Variants in FLT4 observed in about 807,000 individuals in gnomAD.
FLT4 encodes the protein fms related receptor tyrosine kinase 4, also known as vascular endothelial growth factor receptor 3.
FLT4 carries 30 observed loss-of-function variants against 163.2 expected under a neutral mutation model. The observed-to-expected ratio is 0.18, with a 90% CI of 0.14 to 0.25. The LOEUF is 0.25. Among genes scored for constraint, FLT4 ranks in the 10% least tolerant of loss-of-function variants. The pLI is 1.00. For missense variants in FLT4, 1,510 were observed against 1,863.8 expected, an observed-to-expected ratio of 0.81 and a Z score of 3.50; for synonymous variants, 884 against 789.5, an observed-to-expected ratio of 1.12 and a Z score of -2.01.
intron 1 of FLT4, among the ~76,000 whole-genome samples, chr5:180,641,964 T>A (rs1765149584): frequency 1.3e-5 from 2 of 152,030 alleles, no homozygotes. Flanking sequence ...ATCACAGCAC[T>A]TTGGGAGGCC....
intron 29 of FLT4, chr5:180,608,061 G>T: frequency 2.9e-6 from 2 of 700,282 alleles, no homozygotes. Flanking sequence ...TATTATCCAG[G>T]CCTGCCCGCA....
chr5:180,637,330 G>GAAAA (rs375090031), intron 1 of FLT4, among the ~76,000 whole-genome samples: 2 of 118,818 alleles, frequency 1.7e-5, no homozygotes, highest in African/African-American at 6.5e-5. Context: ...TCCGTCTCAG[G>GAAAA]AAAAAAAAAA....
intron 23 of FLT4, among the ~76,000 whole-genome samples, chr5:180,614,413 G>C (rs933678824): frequency 6.6e-6 from 1 of 152,084 alleles, no homozygotes; most frequent in East Asian, 1.9e-4. Context: ...TCCTGGGTCT[G>C]TCTGGGCCCC....
rs183821884 is a variant in FLT4, at chr5:180,636,216, C to T, written c.59-4438G>A. On this transcript the variant is annotated intron_variant, in intron 1 of 29. Coordinates refer to ENST00000261937, the MANE Select transcript of FLT4 (RefSeq NM_182925.5). The surrounding 1 kb of genome is among the most constrained non-coding windows in gnomAD (Gnocchi z 4.3). Reference sequence around the variant, plus strand: ...GACATGTCTCCTTTTTCATGACATACCATAACTTATTCCAGTGACCCCTCT... The same window carrying T: ...GACATGTCTCCTTTTTCATGACATATCATAACTTATTCCAGTGACCCCTCT... 3.9e-4 allele frequency among the ~76,000 whole-genome samples: 60 copies of T among 152,218 alleles called. No homozygotes were observed. Among genetic ancestry groups the T allele is most frequent in the African/African-American group, 1.4e-3 (58 of 41,512 alleles).
At chr5:180,631,856 G>C in intron 1 of FLT4, 78 bp from the exon 2 acceptor site, 2 of 1,019,628 alleles carry the variant, frequency 2.0e-6, no homozygotes, top group Non-Finnish European at 3.0e-6. Flanking sequence ...TGGGCATTCT[G>C]CATCGCAAGC....
chr5:180,641,883 T>C (rs184589205), intron 1 of FLT4, among the ~76,000 whole-genome samples: 1 of 152,314 alleles, frequency 6.6e-6, no homozygotes, highest in Non-Finnish European at 1.5e-5. Flanking sequence ...CTAGGATGAC[T>C]GGGAACTACA....
intron 8 of FLT4, 144 bp from the exon 9 acceptor site, chr5:180,626,409 G>GGATGGTCTAAGTCCCTGGA: frequency 1.1e-6 from 1 of 898,938 alleles, no homozygotes; most frequent in Non-Finnish European, 1.8e-6. Context: ...GTCTGCGAGG[G>GGATGGTCTAAGTCCCTGGA]GATGGTCTAA....
At chr5:180,633,398 G>A (rs144439816) in intron 1 of FLT4, among the ~76,000 whole-genome samples, 2 of 152,310 alleles carry the variant, frequency 1.3e-5, no homozygotes, top group African/African-American at 4.8e-5. Flanking sequence ...GACTACCACC[G>A]AGTCTTTGCT....
Position 180,603,293 on chromosome 5 carries a change from C to T in FLT4, c.3991G>A (p.Val1331Met). 6.2e-7 allele frequency: 1 copy of T among 1,614,020 alleles called. No homozygotes were observed. Among genetic ancestry groups the T allele is most frequent in the Non-Finnish European group, 8.5e-7 (1 of 1,179,984 alleles). ...RPERGARGGQ[V>M]FYNSEYGELS... The stretch of plus-strand genomic sequence containing the variant: ...TCCCCATACTCGCTGTTGTAAAACA[C>T]CTGGCCTCCTCGGGCCCCCCGCTCA... The change falls in exon 30 of 30, where the codon GTG becomes ATG. Residue 1331 changes from valine (V) to methionine (M), a missense_variant. This residue lies in a region of FLT4 where 295 missense variants were observed against 311.0 expected (regional missense o/e 0.95). Transcript: ENST00000261937.
rs1761617498 is a variant in FLT4, at chr5:180,603,505, A to C, written c.3894-115T>G. 1.2e-5 allele frequency: 11 copies of C among 921,350 alleles called. No homozygotes were observed. In the South Asian group the frequency reaches 1.6e-4, roughly 13 times the overall value. The allele number at this position is 921,350 out of a possible 1,614,324, so 57.1% of individuals were successfully genotyped here. ...GGCAGGCGGATGGCTTCAGGCCAGG[A>C]GTTAGAGTCCAGCCCAGGCAACATG... is the stretch of plus-strand genomic sequence containing the variant. On this transcript the variant is annotated intron_variant, in intron 29 of 29. Transcript: ENST00000261937.
At chr5:180,647,915 G>A (rs1277485493) in intron 1 of FLT4, among the ~76,000 whole-genome samples, 6 of 152,144 alleles carry the variant, frequency 3.9e-5, no homozygotes, top group Non-Finnish European at 8.8e-5. Context: ...CCAGGACACT[G>A]GCCTCTCCTG....
At chr5:180,629,450 C>A in intron 6 of FLT4, 23 bp from the exon 7 acceptor site, 1 of 1,609,194 alleles carries the variant, frequency 6.2e-7, no homozygotes, top group Non-Finnish European at 8.5e-7. Flanking sequence ...AGGGAAGCCC[C>A]GCGTCAGCAG....
chr5:180,618,848 C>G lies in FLT4; in HGVS notation c.2923G>C (p.Gly975Arg), dbSNP rs760475708. Residue 975 changes from glycine (G) to arginine (R), a missense_variant, in exon 21 of 30, where the codon GGG becomes CGG. Transcript: ENST00000261937. ...ELARLDRRRP[G>R]SSDRVLFARF... ...GCGAAGAGGACCCTGTCGCTGCTCC[C>G]CGGCCGCCTCCGATCCAGCCTGGCG... The G allele has an allele frequency of 8.9e-6, 14 of 1,579,698 alleles. No homozygotes were observed. The highest frequency in any genetic ancestry group is 1.2e-5 in the Non-Finnish European group (14 of 1,163,516).
At chr5:180,606,867 C>T (rs542518809) in intron 29 of FLT4, among the ~76,000 whole-genome samples, 1 of 147,146 alleles carries the variant, frequency 6.8e-6, no homozygotes, top group African/African-American at 2.5e-5. Context: ...ACCAGCCTGG[C>T]CAACGTGGCG....
In FLT4 at chr5:180,636,518, C is replaced by T. The variant is rs1764702440; in HGVS notation, c.59-4740G>A. On this transcript the variant is annotated intron_variant, in intron 1 of 29. Transcript: ENST00000261937. The surrounding 1 kb of genome is among the most constrained non-coding windows in gnomAD (Gnocchi z 4.3). ...GCTGCACCCCCCCGTCACTTCCCCT[C>T]ATTCTCTGCTGACCGTAGCTCCTGG... Among the ~76,000 whole-genome samples the T allele has an allele frequency of 6.8e-6, 1 of 147,092 alleles. No individual in the cohort carries two copies. The highest frequency in any genetic ancestry group is 1.5e-5 in the Non-Finnish European group (1 of 66,522).
rs757396801 is a variant in FLT4, at chr5:180,616,407, C to T, written c.3179G>A (p.Arg1060Gln). Residue 1060 changes from arginine to glutamine, a missense_variant, in exon 23 of 30, where the codon CGG (arginine) becomes CAG (glutamine). By Grantham distance (43) the Arg-to-Gln change is conservative (BLOSUM62 1). This residue lies in a region of FLT4 where 878 missense variants were observed against 1,016.7 expected (regional missense o/e 0.86). Transcript: ENST00000261937. Reference protein sequence around the residue: ...VVKICDFGLARDIYKDPDYVR... With the variant: ...VVKICDFGLAQDIYKDPDYVR... ...GTAGTCGGGGTCTTTGTAGATGTCC[C>T]GGGCAAGGCCAAAGTCACAGATCTT... 2.4e-5 allele frequency: 38 copies of T among 1,613,922 alleles called. 1 individual carries two copies. The Admixed American group carries it at 5.0e-4, about 21-fold the overall frequency.
rs767666074 is a variant in FLT4 at position 180,631,822 on chromosome 5, G to C, written c.59-44C>G. The C allele has an allele frequency of 2.2e-6, 3 of 1,376,902 alleles. No homozygotes were observed. In the South Asian group the frequency reaches 3.5e-5, roughly 16 times the overall value. The allele number at this position is 1,376,902 out of a possible 1,614,324, so 85.3% of individuals were successfully genotyped here. A position where few individuals can be genotyped will look rare whatever the true frequency, so the allele number is the denominator to read the frequency against. On this transcript the variant is annotated intron_variant, in intron 1 of 29. Coordinates refer to ENST00000261937, the MANE Select transcript of FLT4 (RefSeq NM_182925.5). ...TCAGCGTGGTGCTGGGCTGTGACTT[G>C]GCACGACGTTGATGGGGCATGGCTG...
Position 180,619,774 on chromosome 5 carries a change from C to T in FLT4, c.2543-5G>A, listed in dbSNP as rs372121568. 8.7e-6 allele frequency: 14 copies of T among 1,609,008 alleles called. No individual in the cohort carries two copies. The East Asian group carries it at 1.1e-4, about 13-fold the overall frequency. ...CGCCGTAGCCGAGCACTCTCCCTGT[C>T]GGGGCAGGGGGCCAGTTGCAGGTGA... On this transcript the variant is annotated splice_polypyrimidine_tract_variant and splice_region_variant and intron_variant, in intron 17 of 29. Transcript: ENST00000261937.
rs1205290524 is a variant in FLT4, at chr5:180,649,559, G to A, written c.-14C>T. 1.4e-6 allele frequency: 2 copies of A among 1,424,430 alleles called. No homozygotes were observed. Among genetic ancestry groups the A allele is most frequent in the Non-Finnish European group, 1.8e-6 (2 of 1,086,978 alleles). The allele number at this position is 1,424,430 out of a possible 1,614,324, so 88.2% of individuals were successfully genotyped here. A position where few individuals can be genotyped will look rare whatever the true frequency, so the allele number is the denominator to read the frequency against. On this transcript the variant is annotated 5_prime_UTR_variant, in exon 1 of 30. Transcript: ENST00000261937. ...GCCCCGCTGCATCTCCGGCCGCTGC[G>A]CGTGGGTCCGACCCGAGCGGCCGCG...
Sources: gnomAD v4.1 joint callset for allele counts (sites outside exome capture counted in the v4.1 genomes callset) on GRCh38, gnomAD v4.1.1 for gene constraint, gnomAD v4.1.1 regional missense constraint, Gnocchi (gnomAD v3.1) non-coding constraint, MANE v1.5 for transcripts, NCBI Gene and HGNC (gene_info 2026-07-23, HGNC 2026-07-21) for gene names.